The following FKBP14 variants were observed in gnomAD, a reference collection of about 807,000 sequenced individuals.
FKBP14 encodes peptidyl-prolyl cis-trans isomerase FKBP14.
A neutral mutation model predicts 21.6 loss-of-function variants in FKBP14; 20 were observed. The ratio of observed to expected loss-of-function variants is 0.92; its 90% CI spans 0.65 to 1.34. The LOEUF (loss-of-function observed/expected upper bound fraction) is 1.34, where lower values mean the gene tolerates loss of function less well. Among genes scored for constraint, FKBP14 ranks in the 40% most tolerant of loss-of-function variants. The probability of loss-of-function intolerance (pLI) is 0.00; values close to 1 mark genes in which losing one functional copy is unlikely to be tolerated. For missense variants in FKBP14, 253 were observed against 249.0 expected (o/e 1.02, Z -0.11); for synonymous variants, 79 against 86.7 (o/e 0.91, Z 0.49).
intron 3 of FKBP14, among the ~76,000 whole-genome samples, chr7:30,017,074 T>C (rs770285952): frequency 6.6e-6 from 1 of 152,134 alleles, no homozygotes; most frequent in East Asian, 1.9e-4. Flanking sequence ...AGACTATGTA[T>C]TTGGATTTGC....
intron 2 of FKBP14, among the ~76,000 whole-genome samples, chr7:30,021,560 C>CTT (rs375759314): frequency 1.1e-4 from 16 of 144,492 alleles, no homozygotes; most frequent in Admixed American, 2.1e-4. Flanking sequence ...CTTCAGACCT[C>CTT]TTTTTTTTTT....
chr7:30,010,667 T>C lies in FKBP14; in HGVS notation c.*4068A>G, dbSNP rs1000523493. ...TTTAAATATGGCACACTGAGCAGTA[T>C]TGACGCAAATTATATAGTCATGTAA... is the stretch of plus-strand genomic sequence containing the variant. On this transcript the variant is annotated 3_prime_UTR_variant, in exon 4 of 4. Coordinates refer to ENST00000222803, the MANE Select transcript of FKBP14 (RefSeq NM_017946.4). 14 of 152,216 alleles carry C rather than the reference T, an allele frequency of 9.2e-5. No homozygotes were observed. The highest frequency in any genetic ancestry group is 1.8e-4 in the Non-Finnish European group (12 of 68,036). 9.4% of individuals were successfully genotyped at this position (152,216 alleles called of 1,614,324 possible).
At position 30,019,191 on chromosome 7, in the gene FKBP14, T is replaced by G. The variant is rs567544852; in HGVS notation, c.350-68A>C. Reference sequence around the variant, plus strand: ...AGTTTTAATAATAGAAAATTTATGGTAATGGACAAAGTATTTTTTTTAACT... The same window carrying G: ...AGTTTTAATAATAGAAAATTTATGGGAATGGACAAAGTATTTTTTTTAACT... On this transcript the variant is annotated intron_variant, in intron 2 of 3. Coordinates refer to ENST00000222803, the MANE Select transcript of FKBP14 (RefSeq NM_017946.4). The G allele has an allele frequency of 4.7e-5, 69 of 1,481,860 alleles. 1 individual carries two copies. The highest frequency in any genetic ancestry group is 2.6e-4 in the South Asian group (20 of 77,326). 91.8% of individuals were successfully genotyped at this position (1,481,860 alleles called of 1,614,324 possible). A position where few individuals can be genotyped will look rare whatever the true frequency, so the allele number is the denominator to read the frequency against.
intron 2 of FKBP14, among the ~76,000 whole-genome samples, chr7:30,019,441 T>C (rs1396227932): frequency 6.6e-6 from 1 of 152,068 alleles, no homozygotes; most frequent in East Asian, 1.9e-4. Flanking sequence ...ATAATTAATA[T>C]ATTACATATT....
intron 2 of FKBP14, among the ~76,000 whole-genome samples, chr7:30,019,564 C>G (rs1419443323): frequency 6.6e-6 from 1 of 152,036 alleles, no homozygotes; most frequent in Non-Finnish European, 1.5e-5. Flanking sequence ...TACAGTATTG[C>G]CATTTCTACC....
intron 3 of FKBP14, among the ~76,000 whole-genome samples, chr7:30,016,866 A>C (rs963475769): frequency 3.9e-5 from 6 of 152,198 alleles, no homozygotes; most frequent in African/African-American, 1.4e-4. Flanking sequence ...CAAGAAGTAC[A>C]CATATAGTAT....
chr7:30,011,031 T>TA lies in FKBP14; in HGVS notation c.*3703dup, dbSNP rs1212586611. On this transcript the variant is annotated 3_prime_UTR_variant, in exon 4 of 4. Coordinates refer to ENST00000222803, the MANE Select transcript of FKBP14 (RefSeq NM_017946.4). ...TAAGGTTAGTTTTTTATTATTTCTA[T>TA]AAAAATTATAGAATTTTTTTTTTTG... is the stretch of plus-strand genomic sequence containing the variant. 1 of 152,058 alleles carries TA rather than the reference T, an allele frequency of 6.6e-6. No individual in the cohort carries two copies. The highest frequency in any genetic ancestry group is 1.5e-5 in the Non-Finnish European group (1 of 68,018). 9.4% of individuals were successfully genotyped at this position (152,058 alleles called of 1,614,324 possible).
At chr7:30,009,405 G>A (rs1461887045), downstream of FKBP14, among the ~76,000 whole-genome samples, 2 of 151,648 alleles carry the variant, frequency 1.3e-5, no homozygotes, top group African/African-American at 4.8e-5. Flanking sequence ...GCTAATTTTT[G>A]CATTTTTAGT....
chr7:30,007,272 C>T (rs990211337), downstream of FKBP14, among the ~76,000 whole-genome samples: 4 of 147,828 alleles, frequency 2.7e-5, no homozygotes, highest in East Asian at 4.0e-4. Context: ...TGCAGTGGTG[C>T]GATCTCGGCT....
At chr7:30,022,302 T>C (rs1184816251) in intron 2 of FKBP14, 4 of 156,998 alleles carry the variant, frequency 2.5e-5, no homozygotes, top group Non-Finnish European at 4.2e-5. Flanking sequence ...AGATGGATAG[T>C]GGTGATGGTT....
At chr7:30,022,023 TC>T (rs1319466284) in intron 2 of FKBP14, among the ~76,000 whole-genome samples, 1 of 152,204 alleles carries the variant, frequency 6.6e-6, no homozygotes, top group African/African-American at 2.4e-5. Flanking sequence ...TCATTTCATG[TC>T]ACTCTATGAT....
At chr7:30,021,222 T>C (rs930223785) in intron 2 of FKBP14, among the ~76,000 whole-genome samples, 10 of 152,346 alleles carry the variant, frequency 6.6e-5, no homozygotes, top group Non-Finnish European at 1.2e-4. Flanking sequence ...AACATTCTTA[T>C]TTATTTCCTT....
Position 30,014,336 on chromosome 7 carries a change from G to A in FKBP14, c.*399C>T, listed in dbSNP as rs1217917296. ...TAGCAAGCCTTGGGCTATTGCAAAA[G>A]GCTTTTCAAATGTTGACCTCTAACT... On this transcript the variant is annotated 3_prime_UTR_variant, in exon 4 of 4. Transcript: ENST00000222803. 4 of 153,170 alleles carry A rather than the reference G, an allele frequency of 2.6e-5. No individual in the cohort carries two copies. Among genetic ancestry groups the A allele is most frequent in the African/African-American group, 9.6e-5 (4 of 41,462 alleles). 9.5% of individuals were successfully genotyped at this position (153,170 alleles called of 1,614,324 possible).
chr7:30,020,839 T>C lies in FKBP14; in HGVS notation c.350-1716A>G, dbSNP rs561722784. Among the ~76,000 whole-genome samples, 387 of 152,336 alleles carry C rather than the reference T, an allele frequency of 2.5e-3. 1 individual carries two copies. Among genetic ancestry groups the C allele is most frequent in the African/African-American group, 9.1e-3 (377 of 41,592 alleles). On this transcript the variant is annotated intron_variant, in intron 2 of 3. Coordinates refer to ENST00000222803, the MANE Select transcript of FKBP14 (RefSeq NM_017946.4). Reference sequence around the variant, plus strand: ...CATCAGAAAAAATTTTCTAGATACTTGGTTTTCTTCTCTAAAGAGGATTAT... The same window carrying C: ...CATCAGAAAAAATTTTCTAGATACTCGGTTTTCTTCTCTAAAGAGGATTAT...
At chr7:30,007,018 C>T (rs938898542), downstream of FKBP14, among the ~76,000 whole-genome samples, 2 of 152,216 alleles carry the variant, frequency 1.3e-5, no homozygotes, top group African/African-American at 4.8e-5. Flanking sequence ...GTTCGCTGTG[C>T]CACGGCTGAT....
At chr7:30,022,489 G>A (rs935857044) in intron 2 of FKBP14, 176 bp downstream of exon 2, 7 of 522,774 alleles carry the variant, frequency 1.3e-5, no homozygotes, top group South Asian at 7.5e-5. Flanking sequence ...TAGACATTAC[G>A]GCCTTAAACT....
chr7:30,026,502 G>A lies in FKBP14; in HGVS notation c.7C>T (p.Leu3Phe), dbSNP rs1330596157. 4 of 1,607,742 alleles carry A rather than the reference G, an allele frequency of 2.5e-6. No homozygotes were observed. Among genetic ancestry groups the A allele is most frequent in the Non-Finnish European group, 3.4e-6 (4 of 1,177,270 alleles). The change falls in exon 1 of 4, where the codon CTT becomes TTT. Residue 3 changes from leucine to phenylalanine, a missense_variant. Coordinates refer to ENST00000222803, the MANE Select transcript of FKBP14 (RefSeq NM_017946.4). MR[L>F]FLWNAVLTLF... ...GTCAAGACCGCGTTCCACAAGAAAA[G>A]CCTCATGTTGCTGAAGCAAGGAAAG...
At chr7:30,016,525 C>G (rs749947850) in intron 3 of FKBP14, among the ~76,000 whole-genome samples, 11 of 152,058 alleles carry the variant, frequency 7.2e-5, no homozygotes, top group Non-Finnish European at 1.5e-4. Flanking sequence ...TCCCTAGTAG[C>G]TGGGATTACA....
rs1314574435 is a variant in FKBP14 at position 30,026,329 on chromosome 7, G to A, written c.180C>T (p.Gly60=). The A allele has an allele frequency of 2.5e-6, 4 of 1,610,486 alleles. No homozygotes were observed. The highest frequency in any genetic ancestry group is 3.4e-6 in the Non-Finnish European group (4 of 1,178,120). The part of the protein sequence containing the change: ...VHYEGYLEKD[G]SLFHSTHKHN... ...TTACTTACGTGGAGTGAAATAAGGA[G>A]CCGTCCTTTTCTAAGTAGCCTTCAT... The change falls in exon 1 of 4, where the codon GGC becomes GGT. Residue 60 remains glycine, a synonymous_variant. Coordinates refer to ENST00000222803, the MANE Select transcript of FKBP14 (RefSeq NM_017946.4).
Sources: allele counts gnomAD v4.1 joint callset (sites outside exome capture counted in the v4.1 genomes callset), GRCh38; gene constraint gnomAD v4.1.1; transcripts MANE v1.5; gene names NCBI Gene and HGNC (gene_info 2026-07-23, HGNC 2026-07-21).